The following VWA3B variants were observed in gnomAD, a reference collection of about 807,000 sequenced individuals.
The protein encoded by VWA3B is von Willebrand factor A domain containing 3B.
In VWA3B, 138 loss-of-function variants were observed where a neutral mutation model predicts 158.3. The observed-to-expected ratio is 0.87, with a 90% CI of 0.76 to 1.00. VWA3B has a LOEUF of 1.00. Among genes scored for constraint, VWA3B ranks in the 50% least tolerant of loss-of-function variants. VWA3B has a pLI of 0.00. For missense variants in VWA3B, 1,555 were observed against 1,565.1 expected, an observed-to-expected ratio of 0.99 and a Z score of 0.11; for synonymous variants, 596 against 587.3, an observed-to-expected ratio of 1.01 and a Z score of -0.21.
chr2:98,224,001 T>C (rs1208556422), intron 14 of VWA3B, among the ~76,000 whole-genome samples: 1 of 152,200 alleles, frequency 6.6e-6, no homozygotes, highest in Non-Finnish European at 1.5e-5. Context: ...GTGCTGAGAT[T>C]ACAGGTATTA....
chr2:98,173,648 A>G (rs1487658399), intron 8 of VWA3B, among the ~76,000 whole-genome samples: 5 of 152,198 alleles, frequency 3.3e-5, no homozygotes, highest in African/African-American at 9.6e-5. Flanking sequence ...TGAAATGTCA[A>G]TGTTAAAAAT....
At chr2:98,320,850 T>A in the VWA3B span, among the ~76,000 whole-genome samples, 1 of 152,210 alleles carries the variant, frequency 6.6e-6, no homozygotes, top group African/African-American at 2.4e-5. Flanking sequence ...TCCAGCCAAC[T>A]GCAGAAATAT....
chr2:98,092,997 C>A, intron 1 of VWA3B, 64 bp from the exon 2 acceptor site: 1 of 1,153,084 alleles, frequency 8.7e-7, no homozygotes, highest in Non-Finnish European at 1.2e-6. Flanking sequence ...TTAAGCCAGT[C>A]CCCTGTTGAC....
intron 21 of VWA3B, among the ~76,000 whole-genome samples, chr2:98,270,109 C>T (rs182648040): frequency 2.0e-4 from 30 of 151,792 alleles, no homozygotes; most frequent in African/African-American, 6.1e-4. Flanking sequence ...CCACCGCCTG[C>T]TTATCAGCCA....
intron 9 of VWA3B, among the ~76,000 whole-genome samples, chr2:98,183,391 A>G (rs1450003894): frequency 1.3e-5 from 2 of 152,190 alleles, no homozygotes; most frequent in Non-Finnish European, 1.5e-5. Flanking sequence ...ATATTTAACA[A>G]TAAAAACTAG....
chr2:98,268,475 T>G (rs1687992926), intron 21 of VWA3B, among the ~76,000 whole-genome samples: 1 of 152,146 alleles, frequency 6.6e-6, no homozygotes, highest in African/African-American at 2.4e-5. Flanking sequence ...TAGTGAATTT[T>G]TCAATTCACT....
intron 19 of VWA3B, chr2:98,242,307 C>G: frequency 2.2e-6 from 1 of 456,200 alleles, no homozygotes; most frequent in Non-Finnish European, 4.4e-6. Flanking sequence ...AGGTATTGAG[C>G]AAAGAGGTTG....
At chr2:98,268,035 G>C (rs1687957699) in intron 21 of VWA3B, among the ~76,000 whole-genome samples, 1 of 152,010 alleles carries the variant, frequency 6.6e-6, no homozygotes, top group Non-Finnish European at 1.5e-5. Flanking sequence ...ATCTGAAATT[G>C]TGGCAATAAT....
chr2:98,213,309 A>G (rs1683699466), intron 13 of VWA3B, among the ~76,000 whole-genome samples: 1 of 152,204 alleles, frequency 6.6e-6, no homozygotes, highest in Admixed American at 6.5e-5. Flanking sequence ...TGGTGTCACC[A>G]CAGAGAGGAA....
At chr2:98,287,131 T>A (rs1165792390) in intron 22 of VWA3B, among the ~76,000 whole-genome samples, 1 of 152,130 alleles carries the variant, frequency 6.6e-6, no homozygotes, top group Non-Finnish European at 1.5e-5. Context: ...ATTTTTGTAT[T>A]CTTTCTGAGT....
chr2:98,112,486 C>T lies in VWA3B; in HGVS notation c.197-3166C>T, dbSNP rs147516499. ...TCAAGCCATTGTTTTCTGATTTCCACCTTTTCATCAGAGAAATCAGACATA... is the reference window on the plus strand; with the variant it reads ...TCAAGCCATTGTTTTCTGATTTCCATCTTTTCATCAGAGAAATCAGACATA... On this transcript the variant is annotated intron_variant, in intron 2 of 27. Coordinates refer to ENST00000477737, the MANE Select transcript of VWA3B (RefSeq NM_144992.5). Among the ~76,000 whole-genome samples, 834 of 152,014 alleles carry T rather than the reference C, an allele frequency of 5.5e-3. 2 individuals are homozygous for T. Among genetic ancestry groups the T allele is most frequent in the Non-Finnish European group, 9.2e-3 (624 of 67,946 alleles).
At chr2:98,105,617 C>A (rs1673582669) in intron 2 of VWA3B, among the ~76,000 whole-genome samples, 1 of 151,964 alleles carries the variant, frequency 6.6e-6, no homozygotes, top group South Asian at 2.1e-4. Flanking sequence ...AATCCCAGCA[C>A]TTTGGGAGGC....
At chr2:98,329,521 G>A in the VWA3B span, among the ~76,000 whole-genome samples, 2 of 151,620 alleles carry the variant, frequency 1.3e-5, no homozygotes, top group Admixed American at 6.6e-5. Context: ...TTTTTAATGG[G>A]CAAGATCTTA....
intron 2 of VWA3B, among the ~76,000 whole-genome samples, chr2:98,095,897 A>G (rs1189909457): frequency 6.6e-6 from 1 of 152,150 alleles, no homozygotes; most frequent in East Asian, 1.9e-4. Context: ...TTTGTCCTTC[A>G]TTCTGTTAAT....
At chr2:98,303,293 G>A (rs1336696148) in intron 25 of VWA3B, among the ~76,000 whole-genome samples, 1 of 152,104 alleles carries the variant, frequency 6.6e-6, no homozygotes, top group African/African-American at 2.4e-5. Context: ...GCAGGGTGGA[G>A]GGGGAAGGAT....
Position 98,294,209 on chromosome 2 carries a change from A to C in VWA3B, c.3157+3587A>C, listed in dbSNP as rs202236532. Among the ~76,000 whole-genome samples, 65 of 142,364 alleles carry C rather than the reference A, an allele frequency of 4.6e-4. 1 individual carries two copies. The highest frequency in any genetic ancestry group is 2.7e-3 in the East Asian group (11 of 4,080). 93.4% of individuals were successfully genotyped at this position (142,364 alleles called of 152,430 possible). A position where few individuals can be genotyped will look rare whatever the true frequency, so the allele number is the denominator to read the frequency against. ...TCACACACACACACACACACAAAAA[A>C]AAAAAAAAAAAAAAAAAAAAAGAAG... On this transcript the variant is annotated intron_variant, in intron 23 of 27. Transcript: ENST00000477737.
chr2:98,235,551 G>A (rs1211056917), intron 17 of VWA3B, among the ~76,000 whole-genome samples: 3 of 151,900 alleles, frequency 2.0e-5, no homozygotes, highest in Admixed American at 6.6e-5. Context: ...TCAGCCTCCC[G>A]AGTAGCTGGG....
At chr2:98,196,588 C>T (rs987390902) in intron 12 of VWA3B, among the ~76,000 whole-genome samples, 3 of 152,126 alleles carry the variant, frequency 2.0e-5, no homozygotes, top group Admixed American at 6.5e-5. Context: ...GCTGTGGCCG[C>T]GCCTGCCCAG....
chr2:98,157,600 T>C (rs1217206529), intron 7 of VWA3B, among the ~76,000 whole-genome samples: 1 of 152,234 alleles, frequency 6.6e-6, no homozygotes, highest in East Asian at 1.9e-4. Context: ...TTTTTAATGT[T>C]ATATCGCTTT....
Sources: allele counts gnomAD v4.1 joint callset (sites outside exome capture counted in the v4.1 genomes callset), GRCh38; gene constraint gnomAD v4.1.1; transcripts MANE v1.5; gene names NCBI Gene and HGNC (gene_info 2026-07-23, HGNC 2026-07-21).